ATP8B4: variants seen among roughly 807,000 people sequenced by gnomAD.
The protein encoded by ATP8B4 is ATPase phospholipid transporting 8B4 (putative).
In ATP8B4, 133 loss-of-function variants were observed where a neutral mutation model predicts 145.6. The ratio of observed to expected loss-of-function variants is 0.91; its 90% CI spans 0.79 to 1.05. The LOEUF (loss-of-function observed/expected upper bound fraction) is 1.05. Ranked by LOEUF, ATP8B4 falls within the 50% of genes least tolerant of loss-of-function variation. ATP8B4 has a pLI of 0.00. For missense variants in ATP8B4, 1,458 were observed against 1,425.2 expected, an observed-to-expected ratio of 1.02 and a Z score of -0.37; for synonymous variants, 507 against 492.9, an observed-to-expected ratio of 1.03 and a Z score of -0.38.
At chr15:49,977,720 TATAAGAAAGAATGC>T (rs1402873515) in intron 12 of ATP8B4, among the ~76,000 whole-genome samples, 4 of 152,178 alleles carry the variant, frequency 2.6e-5, no homozygotes, top group Non-Finnish European at 5.9e-5. Context: ...TTTTGAACAT[TATAAGAAAGAATGC>T]ATAAGAAAGT....
rs1364014100 is a variant in ATP8B4, at chr15:50,170,499, C to CG, written c.-43+11761_-43+11762insC. ...GAGAGAATTCACCATTACCAAACCC[C>CG]CCCCACCCTCCACAAGAACTGCTAA... On this transcript the variant is annotated intron_variant, in intron 1 of 3. Coordinates refer to the ATP8B4 transcript ENST00000558829. 2.7e-5 allele frequency among the ~76,000 whole-genome samples: 4 copies of CG among 146,056 alleles called. No homozygotes were observed. In the East Asian group the frequency reaches 8.1e-4, roughly 30 times the overall value.
intron 22 of ATP8B4, 112 bp downstream of exon 22, chr15:49,897,956 G>A (rs2037593105): frequency 8.3e-7 from 1 of 1,199,592 alleles, no homozygotes; most frequent in South Asian, 1.5e-5. Flanking sequence ...ATTCATTTTA[G>A]AATCACTGGC....
At chr15:49,891,941 C>T (rs1232631713) in intron 23 of ATP8B4, among the ~76,000 whole-genome samples, 2 of 151,886 alleles carry the variant, frequency 1.3e-5, no homozygotes, top group African/African-American at 4.8e-5. Flanking sequence ...TGGTGAAACC[C>T]TGTCTCTACT....
At chr15:50,123,989 C>T (rs2057291175), upstream of ATP8B4, among the ~76,000 whole-genome samples, 1 of 152,102 alleles carries the variant, frequency 6.6e-6, no homozygotes, top group Non-Finnish European at 1.5e-5. Flanking sequence ...TTATTCAGAA[C>T]CTCCTTACCT....
At chr15:50,067,401 T>G (rs1873828736) in intron 3 of ATP8B4, among the ~76,000 whole-genome samples, 1 of 152,182 alleles carries the variant, frequency 6.6e-6, no homozygotes, top group Non-Finnish European at 1.5e-5. Context: ...TCTCTTAGCC[T>G]GTAGTCTAAG....
chr15:49,961,041 G>A (rs1041389462), intron 14 of ATP8B4, among the ~76,000 whole-genome samples: 5 of 151,984 alleles, frequency 3.3e-5, no homozygotes, highest in African/African-American at 1.2e-4. Flanking sequence ...GCTGAGGCAG[G>A]AGAATGGCGT....
intron 2 of ATP8B4, among the ~76,000 whole-genome samples, chr15:50,082,411 C>T (rs1322350403): frequency 6.6e-6 from 1 of 152,122 alleles, no homozygotes; most frequent in Admixed American, 6.5e-5. Context: ...TTACGCTTTC[C>T]TCACAAGAGA....
chr15:49,984,439 T>TAATGA (rs1216930291), intron 10 of ATP8B4, among the ~76,000 whole-genome samples: 1 of 152,014 alleles, frequency 6.6e-6, no homozygotes, highest in African/African-American at 2.4e-5. Flanking sequence ...AAACAAAAGG[T>TAATGA]TAGTGCATTA....
chr15:49,860,883 G>C (rs2031565325), intron 27 of ATP8B4, among the ~76,000 whole-genome samples: 1 of 152,108 alleles, frequency 6.6e-6, no homozygotes, highest in Admixed American at 6.5e-5. Context: ...TCAGTAACTG[G>C]ACTAGAAGAA....
At chr15:50,156,091 T>C (rs1314588640) in intron 1 of ATP8B4, among the ~76,000 whole-genome samples, 1 of 59,458 alleles carries the variant, frequency 1.7e-5, no homozygotes, top group African/African-American at 8.5e-5. Context: ...TATATATATA[T>C]AAATATATAT....
intron 3 of ATP8B4, 74 bp downstream of exon 3, chr15:50,074,053 C>A (rs753206293): frequency 1.6e-5 from 22 of 1,363,508 alleles, no homozygotes; most frequent in Non-Finnish European, 2.0e-5. Context: ...TCATAAAGTT[C>A]TAGAAGACAT....
At chr15:50,042,219 C>T (rs547248071) in intron 5 of ATP8B4, among the ~76,000 whole-genome samples, 1 of 150,984 alleles carries the variant, frequency 6.6e-6, no homozygotes, top group South Asian at 2.1e-4. Flanking sequence ...ATGAAATAGG[C>T]TAGAAATTTC....
rs896390507 is a variant in ATP8B4 at position 49,942,615 on chromosome 15, TA to T, written c.1288-8434del. On this transcript the variant is annotated intron_variant, in intron 14 of 27. Transcript: ENST00000284509. The stretch of plus-strand genomic sequence containing the variant: ...AGGAATAGAAGTAAGAAAAGTCATT[TA>T]AAAAAAAAGTCATTAAAAAAACATG... Among the ~76,000 whole-genome samples the T allele has an allele frequency of 1.0e-3, 157 of 150,748 alleles. 1 individual carries two copies. Among genetic ancestry groups the T allele is most frequent in the Middle Eastern group, 3.4e-3 (1 of 290 alleles).
At chr15:50,119,752 C>CTAT (rs2057245708), upstream of ATP8B4, among the ~76,000 whole-genome samples, 1 of 91,606 alleles carries the variant, frequency 1.1e-5, no homozygotes, top group Non-Finnish European at 2.0e-5. Context: ...GTTTTTGTCA[C>CTAT]TTTTTTTTTT....
At chr15:50,099,849 A>T (rs916362276) in intron 2 of ATP8B4, among the ~76,000 whole-genome samples, 3 of 152,012 alleles carry the variant, frequency 2.0e-5, no homozygotes, top group Admixed American at 1.3e-4. Context: ...GACCAACCTC[A>T]ACATGGAGAA....
At chr15:49,956,006 T>C (rs1032966508) in intron 14 of ATP8B4, among the ~76,000 whole-genome samples, 14 of 151,564 alleles carry the variant, frequency 9.2e-5, no homozygotes, top group African/African-American at 3.2e-4. Context: ...GAGTAAAAAA[T>C]AGAAACAAAA....
At chr15:50,171,242 C>T (rs2044670196) in intron 1 of ATP8B4, among the ~76,000 whole-genome samples, 1 of 152,124 alleles carries the variant, frequency 6.6e-6, no homozygotes, top group Admixed American at 6.5e-5. Context: ...ATCCAACAAC[C>T]ACAGAATATA....
intron 6 of ATP8B4, 123 bp downstream of exon 6, chr15:50,038,645 T>G (rs2051023167): frequency 1.3e-6 from 1 of 741,372 alleles, no homozygotes; most frequent in Non-Finnish European, 2.2e-6. Flanking sequence ...TAAAGTTCAA[T>G]TTTTAATAAA....
chr15:49,927,023 T>C (rs4359385), intron 16 of ATP8B4, among the ~76,000 whole-genome samples: 37,084 of 152,146 alleles, frequency 0.24, 5,204 homozygotes, highest in Non-Finnish European at 0.31. Flanking sequence ...TCTTCTTTAA[T>C]GGTTATCTGC....
Sources: gnomAD v4.1 joint callset for allele counts (sites outside exome capture counted in the v4.1 genomes callset) on GRCh38, gnomAD v4.1.1 for gene constraint, MANE v1.5 for transcripts, NCBI Gene and HGNC (gene_info 2026-07-23, HGNC 2026-07-21) for gene names.